The following APCDD1L variants were observed in gnomAD, a reference collection of about 807,000 sequenced individuals.
APCDD1L encodes APC down-regulated 1 like.
APCDD1L carries 21 observed loss-of-function variants against 24.2 expected under a neutral mutation model. The ratio of observed to expected loss-of-function variants is 0.87; its 90% CI spans 0.61 to 1.25. The LOEUF is 1.25. Ranked by LOEUF, APCDD1L falls within the 50% of genes most tolerant of loss-of-function variation. The pLI is 0.00. For missense variants in APCDD1L, 704 were observed against 711.7 expected (o/e 0.99, Z 0.12); for synonymous variants, 321 against 323.6 (o/e 0.99, Z 0.09).
rs1989576513 is a variant in APCDD1L, at chr20:58,460,595, A to T, written c.*195T>A. On this transcript the variant is annotated 3_prime_UTR_variant, in exon 4 of 4. Transcript: ENST00000371149. The surrounding 1 kb of genome is among the most constrained non-coding windows in gnomAD (Gnocchi z 4.2). ...CTTGACTGGGGACCCGGGCTGTGGG[A>T]TGTGGTATAGGCTTTGCAGGGGTTA... 1 of 552,298 alleles carries T rather than the reference A, an allele frequency of 1.8e-6. No individual in the cohort carries two copies. Among genetic ancestry groups the T allele is most frequent in the African/African-American group, 1.9e-5 (1 of 52,466 alleles). The allele number at this position is 552,298 out of a possible 1,614,324, so 34.2% of individuals were successfully genotyped here.
chr20:58,462,192 C>T (rs959598204), intron 3 of APCDD1L, among the ~76,000 whole-genome samples: 5 of 152,102 alleles, frequency 3.3e-5, no homozygotes, highest in Admixed American at 1.3e-4. Context: ...GGAATTTGAC[C>T]GTGAAAGTTG....
chr20:58,483,088 T>A (rs1990053887), intron 1 of APCDD1L, among the ~76,000 whole-genome samples: 1 of 152,182 alleles, frequency 6.6e-6, no homozygotes, highest in Non-Finnish European at 1.5e-5. Flanking sequence ...CTTGAGGTCT[T>A]GCAGGACAAG....
intron 1 of APCDD1L, among the ~76,000 whole-genome samples, chr20:58,507,131 A>G (rs1374403477): frequency 6.6e-6 from 1 of 152,162 alleles, no homozygotes; most frequent in East Asian, 1.9e-4. Context: ...TGTTCTTGAG[A>G]TAGTGAATAA....
At chr20:58,480,574 C>T (rs887021932) in intron 1 of APCDD1L, among the ~76,000 whole-genome samples, 1 of 152,136 alleles carries the variant, frequency 6.6e-6, no homozygotes, top group African/African-American at 2.4e-5. Context: ...GAAAACGCTG[C>T]GTATGAGGAA....
intron 2 of APCDD1L, among the ~76,000 whole-genome samples, chr20:58,469,600 TC>T (rs984515514): frequency 6.6e-6 from 1 of 152,242 alleles, no homozygotes; most frequent in Non-Finnish European, 1.5e-5. Context: ...CCCAGTTCTG[TC>T]TGGGTGACCC....
chr20:58,483,879 T>C (rs1279990748), intron 1 of APCDD1L, among the ~76,000 whole-genome samples: 1 of 152,044 alleles, frequency 6.6e-6, no homozygotes, highest in Non-Finnish European at 1.5e-5. Context: ...TGGATGATAA[T>C]GGGCTGGAGA....
rs1166614396 is a variant in APCDD1L, at chr20:58,470,678, G to A, written c.119C>T (p.Pro40Leu). Residue 40 changes from proline to leucine, a missense_variant, in exon 2 of 4, where the codon CCC becomes CTC. Physicochemically the swap from Pro to Leu is moderately conservative, Grantham distance 98 (BLOSUM62 -3). Transcript: ENST00000371149. ...AGTGCTGGGCACTCTATCTGGCAAG[G>A]GCTGCTGGCAGTGGGGTTCCCAGCG... ...CLRWEPHCQQPLPDRVPSTAI... is the reference protein window; with the variant it reads ...CLRWEPHCQQLLPDRVPSTAI... 1.3e-5 allele frequency: 20 copies of A among 1,561,682 alleles called. No individual in the cohort carries two copies. Among genetic ancestry groups the A allele is most frequent in the Non-Finnish European group, 1.6e-5 (19 of 1,153,054 alleles).
At chr20:58,477,322 G>C (rs537948546) in intron 1 of APCDD1L, among the ~76,000 whole-genome samples, 1 of 152,330 alleles carries the variant, frequency 6.6e-6, no homozygotes, top group African/African-American at 2.4e-5. Context: ...TTCAATCTGA[G>C]ACATATCTTC....
rs577265465 is a variant in APCDD1L, at chr20:58,487,733, C to T, written c.50-16986G>A. ...ACTATTAGGGATAAAGGTGGTCACT[C>T]CACAAAAGGTCCAACCTGCCAAGAA... On this transcript the variant is annotated intron_variant, in intron 1 of 3. Transcript: ENST00000371149. Among the ~76,000 whole-genome samples, 3 of 152,236 alleles carry T rather than the reference C, an allele frequency of 2.0e-5. No individual in the cohort carries two copies. The East Asian group carries it at 5.8e-4, about 29-fold the overall frequency.
At chr20:58,485,246 T>C (rs539200771) in intron 1 of APCDD1L, among the ~76,000 whole-genome samples, 15 of 152,266 alleles carry the variant, frequency 9.9e-5, no homozygotes, top group African/African-American at 3.6e-4. Flanking sequence ...ACTGGAGAAA[T>C]TCTTAACAGA....
rs994489985 is a variant in APCDD1L at position 58,467,745 on chromosome 20, C to T, written c.189-87G>A. ...CCCTCTGGGCTGGGCTCCTTTCTCC[C>T]CCCCAGCCCTCCTCTTAGTCCTCAG... is the stretch of plus-strand genomic sequence containing the variant. On this transcript the variant is annotated intron_variant, in intron 2 of 3. Transcript: ENST00000371149. The surrounding 1 kb of genome is among the most constrained non-coding windows in gnomAD (Gnocchi z 5.9). The T allele has an allele frequency of 1.2e-5, 15 of 1,288,066 alleles. No individual in the cohort carries two copies. In the African/African-American group the frequency reaches 2.4e-4, roughly 20 times the overall value. 79.8% of individuals were successfully genotyped at this position (1,288,066 alleles called of 1,614,324 possible). A position where few individuals can be genotyped will look rare whatever the true frequency, so the allele number is the denominator to read the frequency against.
At chr20:58,502,824 G>T (rs1047549207) in intron 1 of APCDD1L, among the ~76,000 whole-genome samples, 2 of 151,972 alleles carry the variant, frequency 1.3e-5, no homozygotes, top group Non-Finnish European at 2.9e-5. Context: ...AGCTCTGGTC[G>T]CAAACACTCT....
In APCDD1L at chr20:58,497,461, G is replaced by A. The variant is rs1990348279; in HGVS notation, c.49+17198C>T. Among the ~76,000 whole-genome samples, 1 of 152,186 alleles carries A rather than the reference G, an allele frequency of 6.6e-6. No individual in the cohort carries two copies. Among genetic ancestry groups the A allele is most frequent in the African/African-American group, 2.4e-5 (1 of 41,442 alleles). On this transcript the variant is annotated intron_variant, in intron 1 of 3. Coordinates refer to ENST00000371149, the MANE Select transcript of APCDD1L (RefSeq NM_153360.3). This position sits in a 1 kb window ranked among gnomAD's most constrained non-coding sequence, Gnocchi z 4.3. ...CTGGAGGCCATGAGTCTGGGCTCATGAGTCTGGGCTCAAGGTGCGAGCTGG... is the reference window on the plus strand; with the variant it reads ...CTGGAGGCCATGAGTCTGGGCTCATAAGTCTGGGCTCAAGGTGCGAGCTGG...
intron 1 of APCDD1L, among the ~76,000 whole-genome samples, chr20:58,473,012 A>G (rs1989841626): frequency 6.6e-6 from 1 of 152,232 alleles, no homozygotes; most frequent in Non-Finnish European, 1.5e-5. Flanking sequence ...TAATTTGAAC[A>G]TCTTCAGTGT....
At chr20:58,469,885 G>A in intron 2 of APCDD1L, among the ~76,000 whole-genome samples, 1 of 152,226 alleles carries the variant, frequency 6.6e-6, no homozygotes, top group Admixed American at 6.5e-5. Context: ...TGTGAAGGGG[G>A]CCACAGCCTC....
chr20:58,472,553 C>T (rs1465309644), intron 1 of APCDD1L, among the ~76,000 whole-genome samples: 1 of 152,204 alleles, frequency 6.6e-6, no homozygotes, highest in African/African-American at 2.4e-5. Context: ...AAACATTGGC[C>T]GACTGAATAA....
At chr20:58,495,653 C>T (rs1203817782) in intron 1 of APCDD1L, among the ~76,000 whole-genome samples, 2 of 152,158 alleles carry the variant, frequency 1.3e-5, no homozygotes, top group African/African-American at 4.8e-5. Flanking sequence ...AGCCTCAGTG[C>T]CCTCGTCTGT....
At chr20:58,504,475 C>A (rs1027139035) in intron 1 of APCDD1L, among the ~76,000 whole-genome samples, 1 of 152,162 alleles carries the variant, frequency 6.6e-6, no homozygotes, top group Non-Finnish European at 1.5e-5. Flanking sequence ...AGCCCAGTAG[C>A]GTCTATTTCT....
chr20:58,461,874 C>A lies in APCDD1L; in HGVS notation c.742-320G>T, dbSNP rs1169788915. The A allele has an allele frequency of 1.3e-5, 4 of 305,196 alleles. No individual in the cohort carries two copies. Among genetic ancestry groups the A allele is most frequent in the Admixed American group, 5.0e-5 (1 of 20,192 alleles). The allele number at this position is 305,196 out of a possible 1,614,324, so 18.9% of individuals were successfully genotyped here. ...ACCAGAGAGAGCTTTCCCGAATGCC[C>A]CATGTAAGGTGGGCCTCAGGGCTGT... On this transcript the variant is annotated intron_variant, in intron 3 of 3. Coordinates refer to ENST00000371149, the MANE Select transcript of APCDD1L (RefSeq NM_153360.3). This position sits in a 1 kb window ranked among gnomAD's most constrained non-coding sequence, Gnocchi z 6.0.
Sources: allele counts gnomAD v4.1 joint callset (sites outside exome capture counted in the v4.1 genomes callset), GRCh38; gene constraint gnomAD v4.1.1; non-coding constraint Gnocchi (gnomAD v3.1); transcripts MANE v1.5; gene names NCBI Gene and HGNC (gene_info 2026-07-23, HGNC 2026-07-21).